The following TRAPPC9 variants were observed in gnomAD, a reference collection of about 807,000 sequenced individuals.
TRAPPC9 encodes trafficking protein particle complex subunit 9.
Under a neutral mutation model 124.0 loss-of-function variants are expected in TRAPPC9, and 83 were observed. The ratio of observed to expected loss-of-function variants is 0.67; its 90% CI spans 0.56 to 0.80. The LOEUF is 0.80. TRAPPC9 is among the 30% of genes least tolerant of loss of function. TRAPPC9 has a pLI of 0.00. For synonymous variants in TRAPPC9, 638 were observed against 617.5 expected (o/e 1.03, Z -0.49); for missense variants, 1,302 against 1,508.3 (o/e 0.86, Z 2.27).
intron 7 of TRAPPC9, among the ~76,000 whole-genome samples, chr8:140,391,259 A>ATTTGTGGG (rs2068915012): frequency 6.6e-6 from 1 of 152,214 alleles, no homozygotes; most frequent in Non-Finnish European, 1.5e-5. Context: ...ATCATTCCTG[A>ATTTGTGGG]ATATTTGGTT....
chr8:139,985,948 G>A (rs1837214976), intron 19 of TRAPPC9, among the ~76,000 whole-genome samples: 1 of 152,094 alleles, frequency 6.6e-6, no homozygotes, highest in African/African-American at 2.4e-5. Flanking sequence ...TTATGCCATT[G>A]AAAAAAAGAC....
chr8:140,371,761 T>C (rs758908461), intron 7 of TRAPPC9, among the ~76,000 whole-genome samples: 2 of 152,126 alleles, frequency 1.3e-5, no homozygotes, highest in Non-Finnish European at 2.9e-5. Context: ...TGGAGTGCAG[T>C]GGTACGATCT....
At chr8:140,287,826 T>C in intron 12 of TRAPPC9, 92 bp from the exon 13 acceptor site, 1 of 1,555,604 alleles carries the variant, frequency 6.4e-7, no homozygotes, top group Non-Finnish European at 8.8e-7. Context: ...CTATGGCACA[T>C]CGGAACTGCT....
At chr8:140,304,345 T>C (rs575437790) in intron 10 of TRAPPC9, among the ~76,000 whole-genome samples, 3 of 152,302 alleles carry the variant, frequency 2.0e-5, no homozygotes, top group East Asian at 3.9e-4. Context: ...TCTGCCCACC[T>C]CTGCCTCCCA....
At position 140,012,806 on chromosome 8, in the gene TRAPPC9, C is replaced by T. The variant is rs527407478; in HGVS notation, c.2699+11131G>A. ...AGCATGTCAAATGTACAAGGACAGG[C>T]GCTGAAGTCTCCCATGAGCCTCTGA... On this transcript the variant is annotated intron_variant, in intron 18 of 22. Coordinates refer to ENST00000438773, the MANE Select transcript of TRAPPC9 (RefSeq NM_001160372.4). Among the ~76,000 whole-genome samples the T allele has an allele frequency of 4.6e-5, 7 of 152,312 alleles. No homozygotes were observed. In the South Asian group the frequency reaches 6.2e-4, roughly 14 times the overall value.
chr8:139,866,851 T>A (rs1437477690), intron 21 of TRAPPC9, among the ~76,000 whole-genome samples: 1 of 152,142 alleles, frequency 6.6e-6, no homozygotes, highest in Non-Finnish European at 1.5e-5. Context: ...AACAGCAACA[T>A]CCCAATATGA....
intron 8 of TRAPPC9, among the ~76,000 whole-genome samples, chr8:140,364,503 T>G (rs569928952): frequency 6.6e-6 from 1 of 152,250 alleles, no homozygotes; most frequent in East Asian, 1.9e-4. Context: ...TTCTCCAGAA[T>G]CCAGCCTAAA....
chr8:140,105,731 A>T (rs1190619898), intron 17 of TRAPPC9, among the ~76,000 whole-genome samples: 1 of 152,064 alleles, frequency 6.6e-6, no homozygotes, highest in Non-Finnish European at 1.5e-5. Context: ...CCTCTGGGAC[A>T]CTTTCTTTTT....
chr8:140,262,071 C>T (rs2064437530), intron 15 of TRAPPC9, among the ~76,000 whole-genome samples: 1 of 152,104 alleles, frequency 6.6e-6, no homozygotes, highest in African/African-American at 2.4e-5. Context: ...GCTATCACAC[C>T]CATTTTAGGG....
In TRAPPC9 at chr8:139,757,781, T is replaced by C. The variant is rs541255985; in HGVS notation, c.3056-25579A>G. Among the ~76,000 whole-genome samples, 216 of 152,208 alleles carry C rather than the reference T, an allele frequency of 1.4e-3. 1 individual carries two copies. Among genetic ancestry groups the C allele is most frequent in the African/African-American group, 4.7e-3 (195 of 41,518 alleles). ...TGCAGAGAGGACCTTCTACATCACC[T>C]GCACTGCCCACAGTTCTCACGCTTA... On this transcript the variant is annotated intron_variant, in intron 21 of 22. Transcript: ENST00000438773.
chr8:140,119,171 G>A (rs1475573272), intron 17 of TRAPPC9, among the ~76,000 whole-genome samples: 1 of 152,210 alleles, frequency 6.6e-6, no homozygotes. Flanking sequence ...AGGACAAAAA[G>A]GCAGCCAGCC....
intron 17 of TRAPPC9, among the ~76,000 whole-genome samples, chr8:140,126,229 C>G (rs558632195): frequency 2.0e-5 from 3 of 151,990 alleles, no homozygotes; most frequent in Admixed American, 6.6e-5. Context: ...CTCTCCAATG[C>G]GGGGTATCCA....
chr8:139,822,124 A>G (rs1825294523), intron 21 of TRAPPC9, among the ~76,000 whole-genome samples: 1 of 152,144 alleles, frequency 6.6e-6, no homozygotes. Context: ...GCTCAATTAA[A>G]AACCCATTAC....
intron 21 of TRAPPC9, among the ~76,000 whole-genome samples, chr8:139,807,733 G>A (rs1381633179): frequency 6.6e-6 from 1 of 152,164 alleles, no homozygotes; most frequent in Non-Finnish European, 1.5e-5. Context: ...TTGACTATGA[G>A]CACAGAGGTT....
chr8:140,015,958 C>T (rs1839437013), intron 18 of TRAPPC9, among the ~76,000 whole-genome samples: 2 of 152,218 alleles, frequency 1.3e-5, no homozygotes, highest in South Asian at 2.1e-4. Flanking sequence ...CAGAGGTTGA[C>T]CACCTGGCTG....
intron 18 of TRAPPC9, among the ~76,000 whole-genome samples, chr8:140,005,920 A>T (rs556085069): frequency 2.9e-4 from 44 of 151,984 alleles, no homozygotes; most frequent in African/African-American, 9.9e-4. Flanking sequence ...AAAAAAAAAA[A>T]AAAAGGAGGA....
chr8:139,795,798 T>C (rs903761607), intron 21 of TRAPPC9, among the ~76,000 whole-genome samples: 1 of 152,076 alleles, frequency 6.6e-6, no homozygotes, highest in Non-Finnish European at 1.5e-5. Flanking sequence ...GAAAATCAGC[T>C]GCGCACAAGC....
intron 17 of TRAPPC9, among the ~76,000 whole-genome samples, chr8:140,191,869 G>C (rs941690051): frequency 6.6e-6 from 1 of 152,134 alleles, no homozygotes; most frequent in Admixed American, 6.5e-5. Context: ...ACAGGTCTGA[G>C]AGTCTGTAAC....
intron 15 of TRAPPC9, 89 bp from the exon 16 acceptor site, chr8:140,253,018 CA>C (rs2064164988): frequency 7.6e-7 from 1 of 1,317,786 alleles, no homozygotes; most frequent in East Asian, 2.3e-5. Flanking sequence ...GATGCATTCT[CA>C]AAAGCCAAGG....
Sources: allele counts gnomAD v4.1 joint callset (sites outside exome capture counted in the v4.1 genomes callset), GRCh38; gene constraint gnomAD v4.1.1; transcripts MANE v1.5; gene names NCBI Gene and HGNC (gene_info 2026-07-23, HGNC 2026-07-21).